PRORP: variants seen among roughly 807,000 people sequenced by gnomAD.
The protein encoded by PRORP is mitochondrial ribonuclease P catalytic subunit.
In PRORP, 51 loss-of-function variants were observed where a neutral mutation model predicts 59.4. The ratio of observed to expected loss-of-function variants is 0.86; its 90% CI spans 0.69 to 1.08. PRORP has a LOEUF of 1.08. Among genes scored for constraint, PRORP ranks in the 50% least tolerant of loss-of-function variants. The pLI is 0.00. For synonymous variants in PRORP, 231 were observed against 245.6 expected (o/e 0.94, Z 0.55); for missense variants, 646 against 690.3 (o/e 0.94, Z 0.72).
At chr14:35,192,706 G>A (rs1159003481) in intron 5 of PRORP, among the ~76,000 whole-genome samples, 2 of 152,040 alleles carry the variant, frequency 1.3e-5, no homozygotes, top group Non-Finnish European at 2.9e-5. Context: ...ACAAAAGGAG[G>A]GGCCGGGCAT....
intron 5 of PRORP, among the ~76,000 whole-genome samples, chr14:35,208,940 G>T (rs1201113194): frequency 6.6e-6 from 1 of 151,126 alleles, no homozygotes; most frequent in African/African-American, 2.4e-5. Flanking sequence ...AATTTGGGAG[G>T]CAATCACTTG....
At chr14:35,210,273 G>T (rs8005078) in intron 5 of PRORP, among the ~76,000 whole-genome samples, 1 of 152,024 alleles carries the variant, frequency 6.6e-6, no homozygotes, top group African/African-American at 2.4e-5. Flanking sequence ...TCAGTCCCCA[G>T]TAATTACTTG....
At position 35,273,662 on chromosome 14, in the gene PRORP, C is replaced by T; in HGVS notation, c.*96C>T. On this transcript the variant is annotated 3_prime_UTR_variant, in exon 8 of 8. Coordinates refer to ENST00000534898, the MANE Select transcript of PRORP (RefSeq NM_014672.4). ...TGTTTGTTTAGGGCATTGCCTCTGTCCTGAAGATAAAAGGATTCTATTAAC... is the reference window on the plus strand; with the variant it reads ...TGTTTGTTTAGGGCATTGCCTCTGTTCTGAAGATAAAAGGATTCTATTAAC... 3 of 1,115,826 alleles carry T rather than the reference C, an allele frequency of 2.7e-6. No homozygotes were observed. The highest frequency in any genetic ancestry group is 2.3e-4 in the Middle Eastern group (1 of 4,306). The allele number at this position is 1,115,826 out of a possible 1,614,324, so 69.1% of individuals were successfully genotyped here. A position where few individuals can be genotyped will look rare whatever the true frequency, so the allele number is the denominator to read the frequency against.
rs150211028 is a variant in PRORP at position 35,123,389 on chromosome 14, T to C, written c.144T>C (p.Leu48=). 130 of 1,614,150 alleles carry C rather than the reference T, an allele frequency of 8.1e-5. No homozygotes were observed. In the African/African-American group the frequency reaches 1.5e-3, roughly 18 times the overall value. The change falls in exon 2 of 8, where the codon CTT becomes CTC. Residue 48 remains leucine (L), a synonymous_variant. Coordinates refer to ENST00000534898, the MANE Select transcript of PRORP (RefSeq NM_014672.4). ...GGAACCAGCAGAGGTTGTTTTCTCT[T>C]AAAACAATGTCTCCACAGAATACCA... ...GIRNQQRLFS[L]KTMSPQNTKA...
intron 5 of PRORP, among the ~76,000 whole-genome samples, chr14:35,237,782 C>T (rs1006919310): frequency 7.2e-5 from 11 of 152,022 alleles, no homozygotes; most frequent in Non-Finnish European, 1.2e-4. Flanking sequence ...CCTCAGCCTC[C>T]GCTGGGACTA....
At chr14:35,149,964 A>G (rs2047703894) in intron 4 of PRORP, among the ~76,000 whole-genome samples, 1 of 152,068 alleles carries the variant, frequency 6.6e-6, no homozygotes, top group Non-Finnish European at 1.5e-5. Flanking sequence ...AGCAATCCTC[A>G]TGCCTCAGCC....
intron 5 of PRORP, among the ~76,000 whole-genome samples, chr14:35,260,538 A>G (rs1340730745): frequency 6.6e-6 from 1 of 152,260 alleles, no homozygotes; most frequent in Non-Finnish European, 1.5e-5. Flanking sequence ...AGTGAAAGTC[A>G]TGAGACATCT....
intron 4 of PRORP, among the ~76,000 whole-genome samples, chr14:35,151,526 C>T (rs957182101): frequency 6.6e-6 from 1 of 151,838 alleles, no homozygotes; most frequent in African/African-American, 2.4e-5. Context: ...TCAGAATCAT[C>T]CTTGATTCCC....
At chr14:35,130,365 GT>G (rs1217014711) in intron 4 of PRORP, among the ~76,000 whole-genome samples, 1 of 148,550 alleles carries the variant, frequency 6.7e-6, no homozygotes, top group African/African-American at 2.5e-5. Context: ...GATAAGAGTA[GT>G]TTTAGTTTAC....
intron 5 of PRORP, among the ~76,000 whole-genome samples, chr14:35,234,347 CTG>C (rs2050153068): frequency 6.6e-6 from 1 of 152,170 alleles, no homozygotes; most frequent in African/African-American, 2.4e-5. Context: ...TTTCCAAATA[CTG>C]TGTTTCCTAG....
intron 5 of PRORP, among the ~76,000 whole-genome samples, chr14:35,249,010 A>T (rs1368468379): frequency 6.6e-6 from 1 of 152,314 alleles, no homozygotes; most frequent in African/African-American, 2.4e-5. Context: ...TGATATCCTG[A>T]GTTCTGGAAC....
intron 5 of PRORP, among the ~76,000 whole-genome samples, chr14:35,193,618 A>G (rs1453238707): frequency 1.3e-5 from 2 of 149,180 alleles, no homozygotes; most frequent in Non-Finnish European, 3.0e-5. Flanking sequence ...TTTTGTGTGT[A>G]TATAATCCCG....
intron 4 of PRORP, among the ~76,000 whole-genome samples, chr14:35,170,146 G>A (rs2048279536): frequency 1.3e-5 from 2 of 152,020 alleles, no homozygotes; most frequent in South Asian, 4.1e-4. Flanking sequence ...ATTGATGCAT[G>A]ATACATATTT....
At chr14:35,153,620 G>T (rs1408756618) in intron 4 of PRORP, among the ~76,000 whole-genome samples, 1 of 152,190 alleles carries the variant, frequency 6.6e-6, no homozygotes, top group Non-Finnish European at 1.5e-5. Context: ...AGTTTAATAA[G>T]ATAGTGTTCA....
At chr14:35,256,136 T>C (rs1480469834) in intron 5 of PRORP, among the ~76,000 whole-genome samples, 1 of 149,632 alleles carries the variant, frequency 6.7e-6, no homozygotes, top group Non-Finnish European at 1.5e-5. Flanking sequence ...ATACAAAAAT[T>C]AGTTGGGCGT....
intron 4 of PRORP, among the ~76,000 whole-genome samples, chr14:35,140,139 A>C (rs2047451157): frequency 6.9e-6 from 1 of 145,008 alleles, no homozygotes; most frequent in Non-Finnish European, 1.5e-5. Flanking sequence ...TTGAGGTTAC[A>C]CTATTCAACC....
intron 5 of PRORP, among the ~76,000 whole-genome samples, chr14:35,188,213 C>T (rs1262137888): frequency 7.8e-6 from 1 of 127,674 alleles, no homozygotes; most frequent in Non-Finnish European, 1.6e-5. Flanking sequence ...TTTTTTGAGA[C>T]AGAGTCTCGC....
chr14:35,155,172 C>T (rs946165493), intron 4 of PRORP, among the ~76,000 whole-genome samples: 1 of 152,046 alleles, frequency 6.6e-6, no homozygotes, highest in Admixed American at 6.5e-5. Context: ...GGATTACAGG[C>T]GTGAGCCACC....
At chr14:35,180,924 C>T in intron 5 of PRORP, 147 bp downstream of exon 5, 1 of 592,722 alleles carries the variant, frequency 1.7e-6, no homozygotes, top group Non-Finnish European at 3.0e-6. Flanking sequence ...CTGCATGCTC[C>T]CCTAAGATTT....
Sources: allele counts gnomAD v4.1 joint callset (sites outside exome capture counted in the v4.1 genomes callset), GRCh38; gene constraint gnomAD v4.1.1; transcripts MANE v1.5; gene names NCBI Gene and HGNC (gene_info 2026-07-23, HGNC 2026-07-21).